TRAPPC6B: variants seen among roughly 807,000 people sequenced by gnomAD.
TRAPPC6B encodes trafficking protein particle complex subunit 6B, also known as TRAPP complex subunit 6B.
TRAPPC6B carries 27 observed loss-of-function variants against 24.7 expected under a neutral mutation model. That is an observed-to-expected ratio of 1.09 (90% CI 0.81 to 1.51). TRAPPC6B has a LOEUF of 1.51. Among genes scored for constraint, TRAPPC6B ranks in the 40% most tolerant of loss-of-function variants. TRAPPC6B has a pLI of 0.00. For synonymous variants in TRAPPC6B, 80 were observed against 66.6 expected, an observed-to-expected ratio of 1.20 and a Z score of -0.98; for missense variants, 212 against 190.8, an observed-to-expected ratio of 1.11 and a Z score of -0.66.
At chr14:39,158,493 G>C in intron 2 of TRAPPC6B, 91 bp from the exon 3 acceptor site, 1 of 734,326 alleles carries the variant, frequency 1.4e-6, no homozygotes, top group Non-Finnish European at 2.3e-6. Context: ...TGCCAGAACA[G>C]CACTGAACAT....
At chr14:39,164,089 CTGGTTTTT>C in intron 1 of TRAPPC6B, among the ~76,000 whole-genome samples, 1 of 143,522 alleles carries the variant, frequency 7.0e-6, no homozygotes, top group African/African-American at 3.0e-5. Context: ...CATTTCTCTC[CTGGTTTTT>C]AGCTATAGCT....
At chr14:39,169,972 G>A (rs767055521) in intron 1 of TRAPPC6B, 43 bp downstream of exon 1, 4 of 1,592,742 alleles carry the variant, frequency 2.5e-6, no homozygotes, top group Non-Finnish European at 3.4e-6. Context: ...GAAACAAGGT[G>A]TGTCACCGCA....
rs2052888597 is a variant in TRAPPC6B, at chr14:39,149,276, A to G, written c.*1074T>C. 6.6e-6 allele frequency: 1 copy of G among 152,232 alleles called. No homozygotes were observed. The highest frequency in any genetic ancestry group is 1.5e-5 in the Non-Finnish European group (1 of 68,076). The allele number at this position is 152,232 out of a possible 1,614,324, so 9.4% of individuals were successfully genotyped here. On this transcript the variant is annotated 3_prime_UTR_variant, in exon 6 of 6. Transcript: ENST00000330149. ...CTGCCATTTCTATGGCAGAGTACCC[A>G]GTGAAACATCTTGTTTGGTGTGTCA...
Position 39,159,477 on chromosome 14 carries a change from G to T in TRAPPC6B, c.149+6C>A. The T allele has an allele frequency of 6.3e-7, 1 of 1,576,660 alleles. No homozygotes were observed. The highest frequency in any genetic ancestry group is 8.6e-7 in the Non-Finnish European group (1 of 1,160,398). On this transcript the variant is annotated splice_donor_region_variant and intron_variant, in intron 2 of 5. Coordinates refer to ENST00000330149, the MANE Select transcript of TRAPPC6B (RefSeq NM_001079537.2). ...GCAAGAAAATTTTCAAATCCAACCT[G>T]CTCACCTTTCTATCAATCCTTGTCC...
In TRAPPC6B at chr14:39,148,995, G is replaced by A. The variant is rs2052886628; in HGVS notation, c.*1355C>T. On this transcript the variant is annotated 3_prime_UTR_variant, in exon 6 of 6. Transcript: ENST00000330149. ...CATATCTAAACATAAAGAAGGTACA[G>A]TAAAAATACAGTATTGTAATCTTAT... The A allele has an allele frequency of 2.7e-6, 1 of 368,604 alleles. No homozygotes were observed. The highest frequency in any genetic ancestry group is 4.8e-6 in the Non-Finnish European group (1 of 207,754). 22.8% of individuals were successfully genotyped at this position (368,604 alleles called of 1,614,324 possible).
At chr14:39,151,681 A>T (rs1039999854) in intron 5 of TRAPPC6B, 65 bp downstream of exon 5, 40 of 591,862 alleles carry the variant, frequency 6.8e-5, no homozygotes, top group South Asian at 1.6e-4. Context: ...CAGTTAAATT[A>T]AAAAAAAAAA....
Position 39,152,355 on chromosome 14 carries a change from A to G in TRAPPC6B, c.352-516T>C, listed in dbSNP as rs552179531. ...TTCAAGACTTATAGCTTGCCACAAC[A>G]AAGAATTATCTGGTTGAAAGTATCA... is the stretch of plus-strand genomic sequence containing the variant. On this transcript the variant is annotated intron_variant, in intron 4 of 5. Transcript: ENST00000330149. 4.6e-5 allele frequency among the ~76,000 whole-genome samples: 7 copies of G among 152,290 alleles called. No homozygotes were observed. The South Asian group carries it at 1.4e-3, about 32-fold the overall frequency.
At position 39,151,725 on chromosome 14, in the gene TRAPPC6B, A is replaced by C. The variant is rs139369097; in HGVS notation, c.445+21T>G. On this transcript the variant is annotated intron_variant, in intron 5 of 5. Coordinates refer to ENST00000330149, the MANE Select transcript of TRAPPC6B (RefSeq NM_001079537.2). ...AAAACAAATTACTAAAACATTTGTA[A>C]GAAAGGCGAATTCAACTTACAAGCA... 427 of 1,523,876 alleles carry C rather than the reference A, an allele frequency of 2.8e-4. 1 individual carries two copies. In the African/African-American group the frequency reaches 5.2e-3, roughly 19 times the overall value. The allele number at this position is 1,523,876 out of a possible 1,614,324, so 94.4% of individuals were successfully genotyped here.
At position 39,150,116 on chromosome 14, in the gene TRAPPC6B, T is replaced by C. The variant is rs887091344; in HGVS notation, c.*234A>G. The C allele has an allele frequency of 4.5e-5, 19 of 426,562 alleles. No individual in the cohort carries two copies. The highest frequency in any genetic ancestry group is 2.5e-4 in the African/African-American group (12 of 47,964). The allele number at this position is 426,562 out of a possible 1,614,324, so 26.4% of individuals were successfully genotyped here. On this transcript the variant is annotated 3_prime_UTR_variant, in exon 6 of 6. Transcript: ENST00000330149. Reference sequence around the variant, plus strand: ...ATAAAAAGGTTTAAAATAAGGGCCCTGCATCTTGGTGTCTGGTTATTTGAA... The same window carrying C: ...ATAAAAAGGTTTAAAATAAGGGCCCCGCATCTTGGTGTCTGGTTATTTGAA...
intron 1 of TRAPPC6B, 75 bp from the exon 2 acceptor site, chr14:39,159,625 T>TC (rs1182357498): frequency 5.2e-6 from 6 of 1,146,306 alleles, no homozygotes; most frequent in African/African-American, 3.2e-5. Context: ...TTTTACAAGA[T>TC]TGGTTAAAAA....
intron 1 of TRAPPC6B, among the ~76,000 whole-genome samples, chr14:39,164,791 C>G (rs1282689545): frequency 1.3e-5 from 2 of 152,178 alleles, no homozygotes; most frequent in East Asian, 3.9e-4. Context: ...GAGCCAATAT[C>G]TAGCCACTGC....
At position 39,148,718 on chromosome 14, in the gene TRAPPC6B, A is replaced by T. The variant is rs2052883380; in HGVS notation, c.*1632T>A. On this transcript the variant is annotated 3_prime_UTR_variant, in exon 6 of 6. Transcript: ENST00000330149. ...TTTCCTAAATTTTTTCAAAATTAAA[A>T]TTTTTTCCCCAAAACATGTGAGAAT... The T allele has an allele frequency of 2.5e-6, 1 of 398,432 alleles. No individual in the cohort carries two copies. The highest frequency in any genetic ancestry group is 4.4e-6 in the Non-Finnish European group (1 of 226,002). 24.7% of individuals were successfully genotyped at this position (398,432 alleles called of 1,614,324 possible). A position where few individuals can be genotyped will look rare whatever the true frequency, so the allele number is the denominator to read the frequency against.
chr14:39,155,385 G>A (rs1176856730), intron 3 of TRAPPC6B, among the ~76,000 whole-genome samples: 2 of 152,124 alleles, frequency 1.3e-5, no homozygotes, highest in Admixed American at 1.3e-4. Context: ...GGGATTACAG[G>A]CATGCGCCAC....
At chr14:39,166,385 C>T (rs2053109530) in intron 1 of TRAPPC6B, among the ~76,000 whole-genome samples, 1 of 152,044 alleles carries the variant, frequency 6.6e-6, no homozygotes, top group Non-Finnish European at 1.5e-5. Flanking sequence ...CTATTGAAAC[C>T]ACCTTTGCAA....
chr14:39,160,282 A>G (rs1345868680), intron 1 of TRAPPC6B, among the ~76,000 whole-genome samples: 1 of 152,092 alleles, frequency 6.6e-6, no homozygotes, highest in South Asian at 2.1e-4. Context: ...AAGTCTTTTA[A>G]TAGAAACAAA....
At chr14:39,152,387 T>G (rs533698014) in intron 4 of TRAPPC6B, among the ~76,000 whole-genome samples, 183 of 152,276 alleles carry the variant, frequency 1.2e-3, no homozygotes, top group Non-Finnish European at 2.1e-3. Flanking sequence ...ATCAACAGTT[T>G]GGACGTTGAG....
chr14:39,154,191 A>C lies in TRAPPC6B; in HGVS notation c.351+20T>G. On this transcript the variant is annotated intron_variant, in intron 4 of 5. Transcript: ENST00000330149. Reference sequence around the variant, plus strand: ...AGTCCTACTATTAACAAAAACCCCAACTTCTATTCCATTAAATACCTTAGA... The same window carrying C: ...AGTCCTACTATTAACAAAAACCCCACCTTCTATTCCATTAAATACCTTAGA... The C allele has an allele frequency of 6.5e-7, 1 of 1,532,918 alleles. No individual in the cohort carries two copies. Among genetic ancestry groups the C allele is most frequent in the Non-Finnish European group, 9.0e-7 (1 of 1,109,278 alleles). The allele number at this position is 1,532,918 out of a possible 1,614,324, so 95.0% of individuals were successfully genotyped here.
intron 3 of TRAPPC6B, among the ~76,000 whole-genome samples, chr14:39,156,009 T>C (rs751766323): frequency 3.3e-5 from 5 of 151,836 alleles, no homozygotes; most frequent in Non-Finnish European, 5.9e-5. Context: ...CTCAGGCTGG[T>C]CTCCAACTCC....
At chr14:39,157,919 C>CA (rs1035768285) in intron 3 of TRAPPC6B, 58 of 165,582 alleles carry the variant, frequency 3.5e-4, no homozygotes, top group African/African-American at 1.2e-3. Flanking sequence ...TCTTCTTCTT[C>CA]AAAAAAAAGA....
Sources: gnomAD v4.1 joint callset for allele counts (sites outside exome capture counted in the v4.1 genomes callset) on GRCh38, gnomAD v4.1.1 for gene constraint, MANE v1.5 for transcripts, NCBI Gene and HGNC (gene_info 2026-07-23, HGNC 2026-07-21) for gene names.